COL5A1: variants seen among roughly 807,000 people sequenced by gnomAD.
COL5A1 encodes collagen alpha-1(V) chain.
Under a neutral mutation model 263.7 loss-of-function variants are expected in COL5A1, and 16 were observed. The ratio of observed to expected loss-of-function variants is 0.06; its 90% CI spans 0.04 to 0.09. COL5A1 has a LOEUF of 0.09. Ranked by LOEUF, COL5A1 falls within the 10% of genes least tolerant of loss-of-function variation. The pLI, the probability that COL5A1 is intolerant of heterozygous loss-of-function variation, is 1.00. For synonymous variants in COL5A1, 1,012 were observed against 1,004.5 expected (o/e 1.01, Z -0.14); for missense variants, 2,036 against 2,540.5 (o/e 0.80, Z 4.27).
intron 18 of COL5A1, among the ~76,000 whole-genome samples, chr9:134,760,410 A>G (rs1297644694): frequency 3.4e-5 from 3 of 88,904 alleles, no homozygotes; most frequent in Non-Finnish European, 6.0e-5. Context: ...CCACACTCAT[A>G]CACACATGCA....
At chr9:134,684,324 C>T (rs564693634) in intron 1 of COL5A1, among the ~76,000 whole-genome samples, 1 of 152,296 alleles carries the variant, frequency 6.6e-6, no homozygotes, top group South Asian at 2.1e-4. Context: ...CAGCAGCCCC[C>T]CAGGTCTCGG....
chr9:134,723,229 G>A, intron 4 of COL5A1, among the ~76,000 whole-genome samples: 1 of 152,164 alleles, frequency 6.6e-6, no homozygotes, highest in East Asian at 1.9e-4. Context: ...GCTGTCCTGA[G>A]GCACCACTGT....
intron 2 of COL5A1, among the ~76,000 whole-genome samples, chr9:134,693,349 A>T (rs976472876): frequency 6.6e-6 from 1 of 152,202 alleles, no homozygotes; most frequent in Admixed American, 6.5e-5. Flanking sequence ...AAACAAAAAA[A>T]CCAACACATA....
At chr9:134,704,627 C>T (rs924427025) in intron 4 of COL5A1, among the ~76,000 whole-genome samples, 5 of 152,076 alleles carry the variant, frequency 3.3e-5, no homozygotes, top group Non-Finnish European at 5.9e-5. Flanking sequence ...CTGCCAGGAA[C>T]GAGAGGTTTT....
At chr9:134,796,682 C>G (rs1312626496) in intron 35 of COL5A1, among the ~76,000 whole-genome samples, 166 bp from the exon 36 acceptor site, 4 of 152,096 alleles carry the variant, frequency 2.6e-5, no homozygotes, top group African/African-American at 7.2e-5. Context: ...ATCCTGCCCC[C>G]GAGGGTGAGG....
chr9:134,724,642 A>G (rs1485530263), intron 4 of COL5A1, among the ~76,000 whole-genome samples: 1 of 152,180 alleles, frequency 6.6e-6, no homozygotes, highest in Non-Finnish European at 1.5e-5. Flanking sequence ...ACAGCTGTGA[A>G]TGTCTCCCAG....
chr9:134,818,782 G>A lies in COL5A1; in HGVS notation c.4338+19G>A, dbSNP rs201715025. 4.3e-6 allele frequency: 7 copies of A among 1,612,342 alleles called. No individual in the cohort carries two copies. The African/African-American group carries it at 6.7e-5, about 15-fold the overall frequency. On this transcript the variant is annotated intron_variant, in intron 55 of 65. Transcript: ENST00000371817. This position sits in a 1 kb window ranked among gnomAD's most constrained non-coding sequence, Gnocchi z 6.0. Reference sequence around the variant, plus strand: ...CCCTGTGGTGAGTAGGCTGTGAGGGGCAGAGGGGTTGCCGAGTGGAGGGAC... The same window carrying A: ...CCCTGTGGTGAGTAGGCTGTGAGGGACAGAGGGGTTGCCGAGTGGAGGGAC...
intron 14 of COL5A1, 113 bp from the exon 15 acceptor site, chr9:134,753,737 C>A: frequency 1.3e-6 from 1 of 779,058 alleles, no homozygotes. Flanking sequence ...GTGCTGAGCA[C>A]CGTGGCCGAA....
At position 134,841,233 on chromosome 9, in the gene COL5A1, GT is replaced by G. The variant is rs1037733033; in HGVS notation, c.5371-921del. Among the ~76,000 whole-genome samples the G allele has an allele frequency of 2.0e-5, 3 of 152,242 alleles. No individual in the cohort carries two copies. The highest frequency in any genetic ancestry group is 6.5e-5 in the Admixed American group (1 of 15,292). On this transcript the variant is annotated intron_variant, in intron 65 of 65. Transcript: ENST00000371817. The surrounding 1 kb of genome is among the most constrained non-coding windows in gnomAD (Gnocchi z 4.8). ...AGCAAAAGCCATCTGCCCAGGATGC[GT>G]TTGCAGGCTCCTGGTTTGCGGGAAA... is the stretch of plus-strand genomic sequence containing the variant.
chr9:134,782,691 A>C lies in COL5A1; in HGVS notation c.2455A>C (p.Lys819Gln). 5.0e-6 allele frequency: 8 copies of C among 1,614,030 alleles called. No homozygotes were observed. Among genetic ancestry groups the C allele is most frequent in the Non-Finnish European group, 6.8e-6 (8 of 1,179,994 alleles). Residue 819 changes from lysine (K) to glutamine (Q), a missense_variant, in exon 29 of 66, where the codon AAA becomes CAA. Physicochemically the swap from Lys to Gln is moderately conservative, Grantham distance 53. Around this residue, in one of 3 missense-constraint regions of COL5A1, gnomAD observed 1,078 missense variants for 1,521.4 expected, o/e 0.71. Coordinates refer to ENST00000371817, the MANE Select transcript of COL5A1 (RefSeq NM_000093.5). ...GGGTGAAGACGGCTTTCCTGGGTTTAAAGGAGACATGGGCATCAAGGGTGA... is the reference window on the plus strand; with the variant it reads ...GGGTGAAGACGGCTTTCCTGGGTTTCAAGGAGACATGGGCATCAAGGGTGA... Reference protein sequence around the residue: ...EKGEDGFPGFKGDMGIKGDRG... With the variant: ...EKGEDGFPGFQGDMGIKGDRG...
chr9:134,693,004 C>CGGA (rs1455650223), intron 2 of COL5A1, among the ~76,000 whole-genome samples: 4 of 151,976 alleles, frequency 2.6e-5, no homozygotes, highest in Non-Finnish European at 5.9e-5. Context: ...ACCTGGGAGG[C>CGGA]GGAGGTTGCA....
intron 25 of COL5A1, among the ~76,000 whole-genome samples, chr9:134,771,212 C>G (rs1836855999): frequency 6.6e-6 from 1 of 152,264 alleles, no homozygotes; most frequent in Non-Finnish European, 1.5e-5. Flanking sequence ...GCTCTCGGCC[C>G]CCCTGCAGAT....
intron 1 of COL5A1, among the ~76,000 whole-genome samples, chr9:134,656,606 G>A (rs1456354108): frequency 6.6e-6 from 1 of 152,092 alleles, no homozygotes; most frequent in African/African-American, 2.4e-5. Flanking sequence ...ACATCGTCCC[G>A]TGCAGTGCAA....
In COL5A1 at chr9:134,652,835, G is replaced by A; in HGVS notation, c.109+10539G>A. ...TTACCAGGCCCCAGAATCCCCCCGAGGCCTCTCTTAAGGCACAGATTGTTT... is the reference window on the plus strand; with the variant it reads ...TTACCAGGCCCCAGAATCCCCCCGAAGCCTCTCTTAAGGCACAGATTGTTT... On this transcript the variant is annotated intron_variant, in intron 1 of 65. Transcript: ENST00000371817. The surrounding 1 kb of genome is among the most constrained non-coding windows in gnomAD (Gnocchi z 4.4). The A allele has an allele frequency of 2.3e-6, 1 of 434,066 alleles. No homozygotes were observed. Among genetic ancestry groups the A allele is most frequent in the South Asian group, 1.7e-5 (1 of 60,184 alleles). The allele number at this position is 434,066 out of a possible 1,614,324, so 26.9% of individuals were successfully genotyped here.
chr9:134,801,822 T>C, intron 37 of COL5A1, 132 bp from the exon 38 acceptor site: 1 of 796,116 alleles, frequency 1.3e-6, no homozygotes, highest in Non-Finnish European at 2.2e-6. Context: ...GACATGGGCC[T>C]CTTACACAAA....
rs780029780 is a variant in COL5A1, at chr9:134,750,530, C to G, written c.1495-12C>G. ...GCACTCTGACTTGTCTCTCTTGGCC[C>G]CTTGTCTTCAGGGCCCCCCTGGACG... is the stretch of plus-strand genomic sequence containing the variant. On this transcript the variant is annotated splice_polypyrimidine_tract_variant and intron_variant, in intron 11 of 65. Transcript: ENST00000371817. 1 of 1,613,492 alleles carries G rather than the reference C, an allele frequency of 6.2e-7. No individual in the cohort carries two copies. The highest frequency in any genetic ancestry group is 8.5e-7 in the Non-Finnish European group (1 of 1,179,782).
chr9:134,758,905 C>T lies in COL5A1; in HGVS notation c.1935+609C>T, dbSNP rs1030866242. The stretch of plus-strand genomic sequence containing the variant: ...CACAGATGCGGCAGCTTTGGATAAA[C>T]GGCAACAGCCAAGCCCCTCGAATCT... On this transcript the variant is annotated intron_variant, in intron 18 of 65. Coordinates refer to ENST00000371817, the MANE Select transcript of COL5A1 (RefSeq NM_000093.5). The surrounding 1 kb of genome is among the most constrained non-coding windows in gnomAD (Gnocchi z 4.1). 4.6e-5 allele frequency among the ~76,000 whole-genome samples: 7 copies of T among 152,258 alleles called. No homozygotes were observed. Among genetic ancestry groups the T allele is most frequent in the Admixed American group, 3.3e-4 (5 of 15,302 alleles).
At chr9:134,751,158 G>A (rs1435476514) in intron 13 of COL5A1, among the ~76,000 whole-genome samples, 2 of 151,342 alleles carry the variant, frequency 1.3e-5, no homozygotes, top group African/African-American at 2.4e-5. Context: ...TAGGGACCCC[G>A]AGAGCGTGTC....
At chr9:134,795,963 A>T (rs1316638616) in intron 34 of COL5A1, among the ~76,000 whole-genome samples, 3 of 152,194 alleles carry the variant, frequency 2.0e-5, no homozygotes, top group African/African-American at 7.2e-5. Flanking sequence ...GCTCTGGGGC[A>T]CTTCTCGTGT....
Sources: allele counts gnomAD v4.1 joint callset (sites outside exome capture counted in the v4.1 genomes callset), GRCh38; gene constraint gnomAD v4.1.1; regional missense constraint gnomAD v4.1.1; non-coding constraint Gnocchi (gnomAD v3.1); transcripts MANE v1.5; gene names NCBI Gene and HGNC (gene_info 2026-07-23, HGNC 2026-07-21).